TSPAN1: variants seen among roughly 807,000 people sequenced by gnomAD.
TSPAN1 encodes the protein tetraspanin-1.
TSPAN1 carries 23 observed loss-of-function variants against 26.9 expected under a neutral mutation model. That is an observed-to-expected ratio of 0.85 (90% confidence interval 0.62 to 1.21). The LOEUF is 1.21. TSPAN1 is among the 50% of genes most tolerant of loss of function. TSPAN1 has a pLI of 0.00. For synonymous variants in TSPAN1, 115 were observed against 114.8 expected, an observed-to-expected ratio of 1.00 and a Z score of -0.01; for missense variants, 283 against 298.4, an observed-to-expected ratio of 0.95 and a Z score of 0.38.
At chr1:46,190,788 G>C, downstream of TSPAN1, 1 of 1,609,868 alleles carries the variant, frequency 6.2e-7, no homozygotes, top group Non-Finnish European at 8.5e-7. Flanking sequence ...AGGCCTCCTG[G>C]AGTGGGTATG....
At position 46,185,064 on chromosome 1, in the gene TSPAN1, C is replaced by A; in HGVS notation, c.543C>A (p.Asn181Lys). ...TCTGTTGCAATGACAACGTCACCAACACAGCCAATGAAACCTGCACCAAGC... is the reference window on the plus strand; with the variant it reads ...TCTGTTGCAATGACAACGTCACCAAAACAGCCAATGAAACCTGCACCAAGC... ...PPFCCNDNVT[N>K]TANETCTKQK... The change falls in exon 7 of 9, where the codon AAC becomes AAA. Residue 181 changes from asparagine to lysine, a missense_variant. Physicochemically the swap from Asn to Lys is moderately conservative, Grantham distance 94 (BLOSUM62 0). Coordinates refer to ENST00000372003, the MANE Select transcript of TSPAN1 (RefSeq NM_005727.4). 6.2e-7 allele frequency: 1 copy of A among 1,614,202 alleles called. No individual in the cohort carries two copies. The highest frequency in any genetic ancestry group is 8.5e-7 in the Non-Finnish European group (1 of 1,180,046).
downstream of TSPAN1, chr1:46,188,846 G>T: frequency 6.2e-7 from 1 of 1,612,926 alleles, no homozygotes; most frequent in East Asian, 2.2e-5. Flanking sequence ...GTTGGGCACA[G>T]CAGTTTCCTG....
At chr1:46,176,082 A>G (rs930844303) in intron 1 of TSPAN1, 94 of 856,636 alleles carry the variant, frequency 1.1e-4, no homozygotes, top group Middle Eastern at 3.2e-4. Context: ...TCACCGTGTT[A>G]GCCAGGATGG....
downstream of TSPAN1, chr1:46,190,957 C>T: frequency 3.0e-6 from 2 of 673,012 alleles, no homozygotes; most frequent in Non-Finnish European, 5.5e-6. Flanking sequence ...CAAGCTCTTA[C>T]TAGCTTTAAT....
At chr1:46,188,883 C>G (rs1657520230), downstream of TSPAN1, 3 of 1,612,846 alleles carry the variant, frequency 1.9e-6, no homozygotes, top group Non-Finnish European at 2.5e-6. Context: ...ACCCTCAGGG[C>G]AGCATTCCAG....
rs1557664937 is a variant in TSPAN1, at chr1:46,182,303, G to GAAAAAAAAAAAAAAAAAAAAAA, written c.57+1139_57+1140insAAAAAAAAAAAAAAAAAAAAAA. ...GGGAAACCCAATTTATTAGGGATAA[G>GAAAAAAAAAAAAAAAAAAAAAA]CAAAAAAAAAAAAAGCCACTGTGAA... On this transcript the variant is annotated intron_variant, in intron 3 of 8. Coordinates refer to ENST00000372003, the MANE Select transcript of TSPAN1 (RefSeq NM_005727.4). 8.7e-3 allele frequency among the ~76,000 whole-genome samples: 21 copies of GAAAAAAAAAAAAAAAAAAAAAA among 2,420 alleles called. 3 individuals are homozygous for GAAAAAAAAAAAAAAAAAAAAAA. In the Non-Finnish European group the frequency reaches 0.18, roughly 21 times the overall value. The allele number at this position is 2,420 out of a possible 152,430, so 1.6% of individuals were successfully genotyped here.
chr1:46,189,650 A>ACC, downstream of TSPAN1: 6 of 1,556,548 alleles, frequency 3.9e-6, no homozygotes, highest in Non-Finnish European at 5.2e-6. Context: ...CCCAGCCCCC[A>ACC]CCCCTCCTCA....
At chr1:46,188,732 G>A (rs1205803341), downstream of TSPAN1, 23 of 1,605,384 alleles carry the variant, frequency 1.4e-5, no homozygotes, top group Non-Finnish European at 1.9e-5. Flanking sequence ...TCCAGCTTTG[G>A]AAATCTGGAC....
the TSPAN1 span, chr1:46,194,161 C>T: frequency 1.9e-6 from 3 of 1,591,824 alleles, no homozygotes; most frequent in Admixed American, 5.3e-5. Context: ...GTAAATCCTG[C>T]CCCTGGTTCT....
chr1:46,194,728 T>G, the TSPAN1 span: 15 of 1,614,014 alleles, frequency 9.3e-6, no homozygotes, highest in Non-Finnish European at 1.2e-5. Flanking sequence ...CCTGCCTACT[T>G]TCATCCAACC....
At chr1:46,192,016 A>C in the TSPAN1 span, 3 of 1,504,522 alleles carry the variant, frequency 2.0e-6, no homozygotes, top group Non-Finnish European at 2.7e-6. Flanking sequence ...AGCAAGTAGC[A>C]GAGCTAAGAT....
chr1:46,192,291 C>A, the TSPAN1 span: 1 of 1,614,150 alleles, frequency 6.2e-7, no homozygotes, highest in Admixed American at 1.7e-5. Context: ...GCCCCCTCAC[C>A]CTACCCTGAC....
chr1:46,187,195 C>A (rs1297173625), downstream of TSPAN1, among the ~76,000 whole-genome samples: 1 of 152,208 alleles, frequency 6.6e-6, no homozygotes, highest in Non-Finnish European at 1.5e-5. Context: ...TTGCCCCAGT[C>A]CCACAGGCTT....
At chr1:46,192,058 G>A in the TSPAN1 span, 3,037 of 1,593,958 alleles carry the variant, frequency 1.9e-3, 8 homozygotes, top group Non-Finnish European at 2.2e-3. Flanking sequence ...GTTCTTGACT[G>A]TCATGCCACA....
At chr1:46,179,727 T>C (rs573134091) in intron 1 of TSPAN1, among the ~76,000 whole-genome samples, 2 of 151,752 alleles carry the variant, frequency 1.3e-5, no homozygotes, top group South Asian at 4.1e-4. Context: ...TGCCACCTAC[T>C]GGCAGAAAGA....
chr1:46,185,349 G>C, intron 8 of TSPAN1, 41 bp downstream of exon 8: 1 of 1,612,418 alleles, frequency 6.2e-7, no homozygotes, highest in Middle Eastern at 1.7e-4. Flanking sequence ...ATGGGCATGA[G>C]ACCAGGGCTG....
At chr1:46,193,873 C>T in the TSPAN1 span, 68 of 1,613,964 alleles carry the variant, frequency 4.2e-5, no homozygotes, top group Non-Finnish European at 5.1e-5. Context: ...GTAATTGGGT[C>T]GGTTCCCTGC....
the TSPAN1 span, chr1:46,196,104 G>A: frequency 0.024 from 39,041 of 1,613,602 alleles, 811 homozygotes; most frequent in African/African-American, 0.09. The surrounding 1 kb of genome is among the most constrained non-coding windows in gnomAD (Gnocchi z 4.4). Context: ...ACAAAGTCCA[G>A]CTTTTCACTC....
chr1:46,190,580 T>A (rs1333740712), downstream of TSPAN1: 1 of 1,539,688 alleles, frequency 6.5e-7, no homozygotes, highest in African/African-American at 1.4e-5. Flanking sequence ...TGGGTAGCAC[T>A]GAGCAGGGCA....
Sources: gnomAD v4.1 joint callset for allele counts (sites outside exome capture counted in the v4.1 genomes callset) on GRCh38, gnomAD v4.1.1 for gene constraint, Gnocchi (gnomAD v3.1) non-coding constraint, MANE v1.5 for transcripts, NCBI Gene and HGNC (gene_info 2026-07-23, HGNC 2026-07-21) for gene names.